The following PPP1R16B variants were observed in gnomAD, a reference collection of about 807,000 sequenced individuals.
The protein encoded by PPP1R16B is protein phosphatase 1 regulatory inhibitor subunit 16B.
In PPP1R16B, 14 loss-of-function variants were observed where a neutral mutation model predicts 61.7. The ratio of observed to expected loss-of-function variants is 0.23; its 90% CI spans 0.15 to 0.35. The LOEUF is 0.35. Ranked by LOEUF, PPP1R16B falls within the 10% of genes least tolerant of loss-of-function variation. PPP1R16B has a pLI of 1.00. For missense variants in PPP1R16B, 547 were observed against 752.5 expected, an observed-to-expected ratio of 0.73 and a Z score of 3.19; for synonymous variants, 266 against 305.3, an observed-to-expected ratio of 0.87 and a Z score of 1.34.
chr20:38,855,847 T>C (rs1249184218), intron 2 of PPP1R16B, among the ~76,000 whole-genome samples: 2 of 141,974 alleles, frequency 1.4e-5, no homozygotes, highest in Non-Finnish European at 3.0e-5. Context: ...TCAAAGATAA[T>C]AGGCAGGACA....
intron 2 of PPP1R16B, among the ~76,000 whole-genome samples, chr20:38,848,978 A>G (rs1444030128): frequency 6.6e-6 from 1 of 152,228 alleles, no homozygotes; most frequent in Non-Finnish European, 1.5e-5. Flanking sequence ...AAAAAATTAA[A>G]ATAATTAATT....
chr20:38,818,246 C>T (rs1447678579), intron 1 of PPP1R16B, among the ~76,000 whole-genome samples: 2 of 152,198 alleles, frequency 1.3e-5, no homozygotes, highest in Non-Finnish European at 2.9e-5. Flanking sequence ...TTCTAAGACT[C>T]ATTGCGGGGA....
chr20:38,834,178 A>G (rs1302455464), intron 1 of PPP1R16B, among the ~76,000 whole-genome samples: 2 of 152,062 alleles, frequency 1.3e-5, no homozygotes, highest in Non-Finnish European at 2.9e-5. Flanking sequence ...TTAAAAAATT[A>G]TTTTATTTTT....
At chr20:38,851,736 C>T (rs988583905) in intron 2 of PPP1R16B, among the ~76,000 whole-genome samples, 4 of 150,574 alleles carry the variant, frequency 2.7e-5, no homozygotes, top group Non-Finnish European at 4.4e-5. Flanking sequence ...ATAAAGAAGG[C>T]CTTGCTGGGC....
At chr20:38,895,887 T>TC (rs1375221941) in intron 4 of PPP1R16B, among the ~76,000 whole-genome samples, 177 bp downstream of exon 4, 8 of 98,568 alleles carry the variant, frequency 8.1e-5, no homozygotes, top group South Asian at 3.9e-4. Flanking sequence ...TCCTTCTTTC[T>TC]TCCCTCCCTC....
Position 38,806,685 on chromosome 20 carries a change from T to C in PPP1R16B, c.-102+893T>C, listed in dbSNP as rs2084664012. Among the ~76,000 whole-genome samples the C allele has an allele frequency of 6.6e-6, 1 of 152,148 alleles. No individual in the cohort carries two copies. The highest frequency in any genetic ancestry group is 1.5e-5 in the Non-Finnish European group (1 of 68,020). On this transcript the variant is annotated intron_variant, in intron 1 of 10. Coordinates refer to ENST00000299824, the MANE Select transcript of PPP1R16B (RefSeq NM_015568.4). The surrounding 1 kb of genome is among the most constrained non-coding windows in gnomAD (Gnocchi z 4.5). ...AGGCAGGCGCTCGCTGCCCTCCTCCTTCCCCCATGTAGACTCCCTTCCTCC... is the reference window on the plus strand; with the variant it reads ...AGGCAGGCGCTCGCTGCCCTCCTCCCTCCCCCATGTAGACTCCCTTCCTCC...
intron 1 of PPP1R16B, among the ~76,000 whole-genome samples, chr20:38,831,897 CTGCTCCTT>C (rs1336016411): frequency 6.6e-6 from 1 of 152,254 alleles, no homozygotes; most frequent in African/African-American, 2.4e-5. Flanking sequence ...CAAGACTTCT[CTGCTCCTT>C]TTGGGCTGGG....
rs566235997 is a variant in PPP1R16B, at chr20:38,922,128, C to G, written c.*3462C>G. 1 of 152,368 alleles carries G rather than the reference C, an allele frequency of 6.6e-6. No homozygotes were observed. The highest frequency in any genetic ancestry group is 2.1e-4 in the South Asian group (1 of 4,826). 9.4% of individuals were successfully genotyped at this position (152,368 alleles called of 1,614,324 possible). A position where few individuals can be genotyped will look rare whatever the true frequency, so the allele number is the denominator to read the frequency against. On this transcript the variant is annotated 3_prime_UTR_variant, in exon 11 of 11. Transcript: ENST00000299824. ...AGCTGAATAAACTCTAGGCCCAGGG[C>G]TACTAAAGACTTCAGGATAGAATTC...
Position 38,918,006 on chromosome 20 carries a change from G to A in PPP1R16B, c.1195-151G>A. On this transcript the variant is annotated intron_variant, in intron 10 of 10. Transcript: ENST00000299824. The surrounding 1 kb of genome is among the most constrained non-coding windows in gnomAD (Gnocchi z 5.3). ...ACTGTACGGAAATTCATAGATTGGG[G>A]GTTCCCCAAAGGAAAACCCTGGCCC... 1 of 1,093,724 alleles carries A rather than the reference G, an allele frequency of 9.1e-7. No homozygotes were observed. The highest frequency in any genetic ancestry group is 1.5e-5 in the South Asian group (1 of 65,624). 67.8% of individuals were successfully genotyped at this position (1,093,724 alleles called of 1,614,324 possible).
intron 1 of PPP1R16B, among the ~76,000 whole-genome samples, chr20:38,808,549 A>C (rs1601225148): frequency 6.6e-6 from 1 of 152,216 alleles, no homozygotes; most frequent in Admixed American, 6.5e-5. Flanking sequence ...ACAGAAAGCT[A>C]CGAGTATGAA....
intron 6 of PPP1R16B, among the ~76,000 whole-genome samples, chr20:38,903,336 A>C (rs2085411541): frequency 1.3e-5 from 2 of 151,966 alleles, no homozygotes; most frequent in South Asian, 4.1e-4. Context: ...TGGTGTCACC[A>C]TTCACCCACT....
At chr20:38,912,503 C>CA (rs58456397) in intron 10 of PPP1R16B, among the ~76,000 whole-genome samples, 16,076 of 80,838 alleles carry the variant, frequency 0.2, 1,426 homozygotes, top group East Asian at 0.33. Context: ...TACCCCCCAC[C>CA]AAAAAAAAAA....
intron 4 of PPP1R16B, among the ~76,000 whole-genome samples, chr20:38,897,446 T>C (rs1253225354): frequency 6.6e-6 from 1 of 152,254 alleles, no homozygotes; most frequent in Non-Finnish European, 1.5e-5. Context: ...CCTTCCTTTT[T>C]AAGGCTGAAT....
intron 1 of PPP1R16B, among the ~76,000 whole-genome samples, chr20:38,828,881 A>T (rs184796251): frequency 6.6e-6 from 1 of 152,340 alleles, no homozygotes; most frequent in East Asian, 1.9e-4. Context: ...CTCTTGTAAT[A>T]GTCTTCTTTC....
intron 10 of PPP1R16B, among the ~76,000 whole-genome samples, chr20:38,917,295 CAA>C (rs59603946): frequency 5.2e-4 from 48 of 92,736 alleles, no homozygotes; most frequent in Middle Eastern, 5.5e-3. Context: ...GACTCCGTCT[CAA>C]AAAAAAAAAA....
chr20:38,827,325 A>T (rs1383321397), intron 1 of PPP1R16B, among the ~76,000 whole-genome samples: 1 of 152,200 alleles, frequency 6.6e-6, no homozygotes, highest in Non-Finnish European at 1.5e-5. Context: ...TTATTGTTCC[A>T]CTGCTGGACA....
At chr20:38,839,083 A>C (rs1245342375) in intron 2 of PPP1R16B, among the ~76,000 whole-genome samples, 7 of 152,162 alleles carry the variant, frequency 4.6e-5, no homozygotes. Flanking sequence ...ATGCACCACC[A>C]TACCCAGCTA....
At chr20:38,871,890 A>G (rs1434575958) in intron 2 of PPP1R16B, among the ~76,000 whole-genome samples, 2 of 152,268 alleles carry the variant, frequency 1.3e-5, no homozygotes, top group African/African-American at 4.8e-5. Flanking sequence ...TAATAGTTCC[A>G]GTAAAGCAGG....
Position 38,900,699 on chromosome 20 carries a change from C to T in PPP1R16B, c.571+15C>T, listed in dbSNP as rs780658697. On this transcript the variant is annotated intron_variant, in intron 5 of 10. Transcript: ENST00000299824. ...GGCATACCAGGGTAAGGGAGGGCAG[C>T]CTGCTATGAAGTGAGCACAGCACAG... 1.5e-5 allele frequency: 24 copies of T among 1,557,570 alleles called. No individual in the cohort carries two copies. The highest frequency in any genetic ancestry group is 1.9e-5 in the Non-Finnish European group (22 of 1,154,220).
Sources: gnomAD v4.1 joint callset for allele counts (sites outside exome capture counted in the v4.1 genomes callset) on GRCh38, gnomAD v4.1.1 for gene constraint, Gnocchi (gnomAD v3.1) non-coding constraint, MANE v1.5 for transcripts, NCBI Gene and HGNC (gene_info 2026-07-23, HGNC 2026-07-21) for gene names.